Variants in POLR3B observed in about 807,000 individuals in gnomAD.
The protein encoded by POLR3B is DNA-directed RNA polymerase III subunit RPC2.
In POLR3B, 96 loss-of-function variants were observed where a neutral mutation model predicts 147.4. That is an observed-to-expected ratio of 0.65 (90% CI 0.55 to 0.77). The LOEUF (loss-of-function observed/expected upper bound fraction) is 0.77, where lower values mean the gene tolerates loss of function less well. POLR3B is among the 30% of genes least tolerant of loss of function. The pLI is 0.00. For missense variants in POLR3B, 1,036 were observed against 1,413.5 expected (o/e 0.73, Z 4.28); for synonymous variants, 461 against 485.9 (o/e 0.95, Z 0.67).
At chr12:106,446,431 AAAAAG>A (rs1039898934) in intron 19 of POLR3B, 5 of 344,620 alleles carry the variant, frequency 1.5e-5, no homozygotes, top group African/African-American at 8.7e-5. Context: ...AAAAAAAAAA[AAAAAG>A]AAAAGAGAAA....
chr12:106,392,180 G>A (rs2036922329), intron 9 of POLR3B, among the ~76,000 whole-genome samples: 1 of 151,422 alleles, frequency 6.6e-6, no homozygotes, highest in Admixed American at 6.6e-5. Context: ...TTTTTTTCCC[G>A]AGACGGAGTT....
At chr12:106,363,206 T>G (rs2036491453) in intron 1 of POLR3B, among the ~76,000 whole-genome samples, 1 of 152,214 alleles carries the variant, frequency 6.6e-6, no homozygotes, top group Non-Finnish European at 1.5e-5. Context: ...CTCTTCCTAG[T>G]TTATATCTCC....
intron 23 of POLR3B, among the ~76,000 whole-genome samples, chr12:106,494,323 A>G (rs964714824): frequency 6.6e-6 from 1 of 152,016 alleles, no homozygotes; most frequent in Non-Finnish European, 1.5e-5. Context: ...CCTTCTCTTG[A>G]TGGAGGGTGG....
In POLR3B at chr12:106,430,280, G is replaced by T. The variant is rs1217372684; in HGVS notation, c.1271G>T (p.Trp424Leu). ...TCTTTCATCTCCCTACAGGGAAATT[G>T]GTCTTTAAAGAGATTTAAAATGGAC... ...GMVNAISTGN[W>L]SLKRFKMDRQ... is the part of the protein sequence containing the mutation. The change falls in exon 14 of 28, where the codon TGG (tryptophan) becomes TTG (leucine). Residue 424 changes from tryptophan to leucine, a missense_variant. This residue lies in a region of POLR3B where 89 missense variants were observed against 110.9 expected (regional missense o/e 0.80). Coordinates refer to ENST00000228347, the MANE Select transcript of POLR3B (RefSeq NM_018082.6). 6.2e-7 allele frequency: 1 copy of T among 1,612,900 alleles called. No individual in the cohort carries two copies. The highest frequency in any genetic ancestry group is 1.1e-5 in the South Asian group (1 of 91,054).
At chr12:106,480,581 T>C (rs2038252869) in intron 23 of POLR3B, among the ~76,000 whole-genome samples, 1 of 152,158 alleles carries the variant, frequency 6.6e-6, no homozygotes, top group South Asian at 2.1e-4. Flanking sequence ...CTTGCTACCC[T>C]TGGGTCTCAG....
At chr12:106,452,054 G>C (rs2137025309) in intron 19 of POLR3B, among the ~76,000 whole-genome samples, 1 of 152,212 alleles carries the variant, frequency 6.6e-6, no homozygotes, top group African/African-American at 2.4e-5. Context: ...ATACTAATAG[G>C]GGAATCAAAG....
chr12:106,386,926 T>G (rs2036847911), intron 9 of POLR3B, among the ~76,000 whole-genome samples: 1 of 151,762 alleles, frequency 6.6e-6, no homozygotes, highest in Admixed American at 6.6e-5. Flanking sequence ...AAGAAAAAAG[T>G]TTCTTCTGTC....
intron 23 of POLR3B, among the ~76,000 whole-genome samples, chr12:106,465,528 A>G (rs1290365159): frequency 6.6e-6 from 1 of 152,026 alleles, no homozygotes. Flanking sequence ...GTTTTGTTAC[A>G]TAGGTATACA....
At chr12:106,461,842 A>G (rs1170505463) in intron 22 of POLR3B, among the ~76,000 whole-genome samples, 1 of 152,082 alleles carries the variant, frequency 6.6e-6, no homozygotes, top group Non-Finnish European at 1.5e-5. Context: ...CCTGGCCAAG[A>G]TGACTCTTGA....
At chr12:106,378,935 G>A (rs1004075953) in intron 8 of POLR3B, among the ~76,000 whole-genome samples, 1 of 152,164 alleles carries the variant, frequency 6.6e-6, no homozygotes, top group Non-Finnish European at 1.5e-5. Context: ...GGAGGTTAAT[G>A]AGTTCTGGGA....
chr12:106,430,699 A>G (rs1295281357), intron 14 of POLR3B, among the ~76,000 whole-genome samples: 2 of 152,228 alleles, frequency 1.3e-5, no homozygotes, highest in East Asian at 3.8e-4. Flanking sequence ...GCTAAAAGTA[A>G]TATAGTCCAT....
chr12:106,358,347 G>T, intron 1 of POLR3B: 1 of 745,642 alleles, frequency 1.3e-6, no homozygotes, highest in Non-Finnish European at 1.8e-6. Flanking sequence ...GCCGGCTGTG[G>T]GGGTAAAACC....
At position 106,369,471 on chromosome 12, in the gene POLR3B, G is replaced by A. The variant is rs1593001556; in HGVS notation, c.304-112G>A. 3 of 960,716 alleles carry A rather than the reference G, an allele frequency of 3.1e-6. No homozygotes were observed. The East Asian group carries it at 7.1e-5, about 23-fold the overall frequency. The allele number at this position is 960,716 out of a possible 1,614,324, so 59.5% of individuals were successfully genotyped here. A position where few individuals can be genotyped will look rare whatever the true frequency, so the allele number is the denominator to read the frequency against. On this transcript the variant is annotated intron_variant, in intron 5 of 27. Coordinates refer to ENST00000228347, the MANE Select transcript of POLR3B (RefSeq NM_018082.6). ...GGGGGGACATTCTTTGGAGAAAAAG[G>A]GATTAAAGTTCAATGTGGACCATAA...
intron 6 of POLR3B, among the ~76,000 whole-genome samples, chr12:106,374,643 T>G (rs1452060104): frequency 1.3e-5 from 2 of 151,964 alleles, no homozygotes; most frequent in Non-Finnish European, 2.9e-5. Context: ...GCCTCCTGAG[T>G]AGCTGGGACT....
chr12:106,372,333 G>GTTT (rs61642813), intron 6 of POLR3B, among the ~76,000 whole-genome samples: 9 of 125,952 alleles, frequency 7.1e-5, no homozygotes, highest in African/African-American at 1.1e-4. Context: ...GTGTGTGTGT[G>GTTT]TTTTTTTTTT....
intron 10 of POLR3B, among the ~76,000 whole-genome samples, chr12:106,400,568 G>C (rs570039107): frequency 2.6e-5 from 4 of 152,094 alleles, no homozygotes; most frequent in Non-Finnish European, 5.9e-5. Context: ...TGACCACATA[G>C]TTGGAAGTAA....
At chr12:106,367,532 T>C (rs1327726010) in intron 4 of POLR3B, among the ~76,000 whole-genome samples, 1 of 152,260 alleles carries the variant, frequency 6.6e-6, no homozygotes. Flanking sequence ...TTTCATGACA[T>C]TGACACTTTT....
intron 18 of POLR3B, among the ~76,000 whole-genome samples, chr12:106,444,043 G>A (rs934136301): frequency 7.3e-5 from 11 of 150,158 alleles, no homozygotes; most frequent in African/African-American, 2.0e-4. Flanking sequence ...GGATGGTCTC[G>A]ATCTCTTGAC....
chr12:106,379,193 G>T (rs1279067649), intron 8 of POLR3B, among the ~76,000 whole-genome samples: 1 of 152,192 alleles, frequency 6.6e-6, no homozygotes, highest in Non-Finnish European at 1.5e-5. Context: ...CAGGCCTTAA[G>T]CTCAGGGGTA....
Sources: gnomAD v4.1 joint callset for allele counts (sites outside exome capture counted in the v4.1 genomes callset) on GRCh38, gnomAD v4.1.1 for gene constraint, gnomAD v4.1.1 regional missense constraint, MANE v1.5 for transcripts, NCBI Gene and HGNC (gene_info 2026-07-23, HGNC 2026-07-21) for gene names.